The following ZNF273 variants were observed in gnomAD, a reference collection of about 807,000 sequenced individuals.
ZNF273 encodes the protein zinc finger protein 9.
Under a neutral mutation model 14.9 loss-of-function variants are expected in ZNF273, and 11 were observed. The observed-to-expected ratio is 0.74, with a 90% CI of 0.46 to 1.22. The LOEUF is 1.22. Ranked by LOEUF, ZNF273 falls within the 50% of genes most tolerant of loss-of-function variation. ZNF273 has a pLI of 0.00. For synonymous variants in ZNF273, 199 were observed against 223.9 expected (o/e 0.89, Z 0.99); for missense variants, 577 against 660.6 (o/e 0.87, Z 1.39).
At chr7:64,933,695 A>C (rs150264394), downstream of ZNF273, 1 of 152,222 alleles carries the variant, frequency 6.6e-6, no homozygotes, top group Non-Finnish European at 1.5e-5. Flanking sequence ...AGCCAAGTTT[A>C]TGAAACAGAC....
At chr7:64,920,966 T>C (rs1210909988) in intron 3 of ZNF273, among the ~76,000 whole-genome samples, 2 of 152,204 alleles carry the variant, frequency 1.3e-5, no homozygotes, top group Non-Finnish European at 2.9e-5. Context: ...ATAGGGCACC[T>C]TTTATTTTTG....
upstream of ZNF273, among the ~76,000 whole-genome samples, chr7:64,899,375 C>A (rs1244445252): frequency 6.6e-6 from 1 of 152,208 alleles, no homozygotes; most frequent in Non-Finnish European, 1.5e-5. Context: ...AAATATTATG[C>A]CAGGCGCAGT....
At chr7:64,891,271 C>G (rs1792019702), downstream of ZNF273, among the ~76,000 whole-genome samples, 1 of 152,220 alleles carries the variant, frequency 6.6e-6, no homozygotes, top group Non-Finnish European at 1.5e-5. Context: ...ACAATGGCAC[C>G]TCTCTCCCAG....
chr7:64,883,374 C>A (rs1791379059), downstream of ZNF273, among the ~76,000 whole-genome samples: 1 of 152,104 alleles, frequency 6.6e-6, no homozygotes, highest in Admixed American at 6.5e-5. Flanking sequence ...AATTCGGTTC[C>A]CAGCCGAGCA....
At chr7:64,917,212 C>A in intron 1 of ZNF273, 2 of 767,756 alleles carry the variant, frequency 2.6e-6, no homozygotes, top group Non-Finnish European at 3.6e-6. Context: ...TTACTGTACA[C>A]ATTAAAATTT....
chr7:64,901,934 C>T (rs370122710), upstream of ZNF273, among the ~76,000 whole-genome samples: 3 of 151,684 alleles, frequency 2.0e-5, no homozygotes, highest in African/African-American at 4.8e-5. Context: ...CAAAAAGCAC[C>T]GCTGCTTCGG....
At chr7:64,883,983 T>C (rs571746369), downstream of ZNF273, among the ~76,000 whole-genome samples, 2 of 152,344 alleles carry the variant, frequency 1.3e-5, no homozygotes, top group African/African-American at 4.8e-5. Context: ...ACAACGAAAC[T>C]CTTGTTCTCC....
rs1794112014 is a variant in ZNF273 at position 64,917,723 on chromosome 7, A to G, written c.229+16A>G. 19 of 1,568,520 alleles carry G rather than the reference A, an allele frequency of 1.2e-5. No individual in the cohort carries two copies. Among genetic ancestry groups the G allele is most frequent in the Non-Finnish European group, 1.6e-5 (18 of 1,157,568 alleles). ...GTCTTCCTGGGTGAGGATAATTTTA[A>G]TACATAATTTAAAGGTTTCACTTCT... is the stretch of plus-strand genomic sequence containing the variant. On this transcript the variant is annotated intron_variant, in intron 2 of 3. Coordinates refer to ENST00000476120, the MANE Select transcript of ZNF273 (RefSeq NM_021148.3).
At chr7:64,902,039 T>C (rs1792752093), upstream of ZNF273, among the ~76,000 whole-genome samples, 1 of 148,582 alleles carries the variant, frequency 6.7e-6, no homozygotes, top group Non-Finnish European at 1.5e-5. Flanking sequence ...CATAATATTA[T>C]ATATTATTAT....
chr7:64,901,019 T>TG (rs1792680945), upstream of ZNF273, among the ~76,000 whole-genome samples: 4 of 151,980 alleles, frequency 2.6e-5, no homozygotes, highest in African/African-American at 7.2e-5. Flanking sequence ...TTTTTTTTTT[T>TG]GTAGAGAGAG....
downstream of ZNF273, among the ~76,000 whole-genome samples, chr7:64,890,810 G>T (rs1316316559): frequency 6.6e-6 from 1 of 152,148 alleles, no homozygotes; most frequent in Non-Finnish European, 1.5e-5. Flanking sequence ...GGCAAAGGCT[G>T]GTGCAAGGCT....
chr7:64,890,221 T>TGAGAGAGAGAGA (rs1554380957), downstream of ZNF273: 124 of 64,082 alleles, frequency 1.9e-3, 3 homozygotes, highest in South Asian at 9.3e-3. Context: ...TGTGTGTGTG[T>TGAGAGAGAGAGA]GAGAGAGAGA....
chr7:64,930,390 A>C lies in ZNF273; in HGVS notation c.*1352A>C, dbSNP rs1010618024. ...ATGCATGAGGTAGGTGTTCAGAGTA[A>C]TATTCTGCATTATAGTGAAAAATTT... On this transcript the variant is annotated 3_prime_UTR_variant, in exon 4 of 4. Transcript: ENST00000476120. 8 of 152,230 alleles carry C rather than the reference A, an allele frequency of 5.3e-5. No homozygotes were observed. The highest frequency in any genetic ancestry group is 2.0e-4 in the Admixed American group (3 of 15,280). 9.4% of individuals were successfully genotyped at this position (152,230 alleles called of 1,614,324 possible).
At chr7:64,903,138 A>G, upstream of ZNF273, 1 of 535,044 alleles carries the variant, frequency 1.9e-6, no homozygotes, top group Admixed American at 3.2e-5. Flanking sequence ...GCAACTGAGC[A>G]CACCTTCTGT....
downstream of ZNF273, among the ~76,000 whole-genome samples, chr7:64,931,295 C>T (rs1487436828): frequency 6.6e-6 from 1 of 152,130 alleles, no homozygotes; most frequent in Non-Finnish European, 1.5e-5. Context: ...GAATTCATTA[C>T]TGTAAAATAT....
upstream of ZNF273, among the ~76,000 whole-genome samples, chr7:64,899,185 A>G (rs1792538166): frequency 1.3e-5 from 2 of 152,252 alleles, no homozygotes; most frequent in South Asian, 4.1e-4. Flanking sequence ...TGAGCAAAGC[A>G]AAAATCTTGT....
At chr7:64,882,276 C>T (rs917595587), downstream of ZNF273, among the ~76,000 whole-genome samples, 4 of 152,224 alleles carry the variant, frequency 2.6e-5, no homozygotes, top group Non-Finnish European at 5.9e-5. Context: ...GAGCAGCTTT[C>T]AGCGCCCACC....
downstream of ZNF273, among the ~76,000 whole-genome samples, chr7:64,934,174 C>A (rs1795042971): frequency 6.6e-6 from 1 of 151,834 alleles, no homozygotes; most frequent in African/African-American, 2.4e-5. Context: ...GAACTACAGG[C>A]ATGAGCCTGC....
Position 64,923,575 on chromosome 7 carries a change from C to T in ZNF273, c.326-4079C>T, listed in dbSNP as rs150627682. The T allele has an allele frequency of 3.4e-3, 1,097 of 327,030 alleles. 19 individuals are homozygous for T. Among genetic ancestry groups the T allele is most frequent in the African/African-American group, 0.022 (980 of 44,692 alleles). 20.3% of individuals were successfully genotyped at this position (327,030 alleles called of 1,614,324 possible). ...CAGGCTGGTCTCGAACGCCTGACCT[C>T]GTGTGATCCGCCCTCCTCAGCCTCC... is the stretch of plus-strand genomic sequence containing the variant. On this transcript the variant is annotated intron_variant, in intron 3 of 3. Transcript: ENST00000476120.
Sources: allele counts gnomAD v4.1 joint callset (sites outside exome capture counted in the v4.1 genomes callset), GRCh38; gene constraint gnomAD v4.1.1; transcripts MANE v1.5; gene names NCBI Gene and HGNC (gene_info 2026-07-23, HGNC 2026-07-21).